LRRTM4: variants seen among roughly 807,000 people sequenced by gnomAD.
The protein encoded by LRRTM4 is leucine-rich repeat transmembrane neuronal protein 4.
A neutral mutation model predicts 47.6 loss-of-function variants in LRRTM4; 25 were observed. The ratio of observed to expected loss-of-function variants is 0.53; its 90% CI spans 0.38 to 0.73. LRRTM4 has a LOEUF of 0.73. Among genes scored for constraint, LRRTM4 ranks in the 30% least tolerant of loss-of-function variants. The pLI, the probability that LRRTM4 is intolerant of heterozygous loss-of-function variation, is 0.00. For synonymous variants in LRRTM4, 311 were observed against 269.5 expected (o/e 1.15, Z -1.51); for missense variants, 638 against 713.4 (o/e 0.89, Z 1.20).
intron 3 of LRRTM4, chr2:77,517,721 A>T: frequency 1.0e-6 from 1 of 982,822 alleles, no homozygotes; most frequent in Non-Finnish European, 1.2e-6. Flanking sequence ...AAGAAGCCTT[A>T]GGAGCCTGAT....
intron 3 of LRRTM4, among the ~76,000 whole-genome samples, chr2:76,974,572 G>A (rs1676354263): frequency 6.6e-6 from 1 of 150,974 alleles, no homozygotes; most frequent in Admixed American, 6.6e-5. Flanking sequence ...TGGAAATCAA[G>A]CAAAAGCCAA....
In LRRTM4 at chr2:76,942,677, T is replaced by A. The variant is rs75413294; in HGVS notation, c.1552-193761A>T. ...GTCAAGTAACCAACCTCTAGGAATC[T>A]GTGTGTGTGTGTGTGTGTGTGTGTG... On this transcript the variant is annotated intron_variant, in intron 3 of 3. Coordinates refer to ENST00000409884, the MANE Select transcript of LRRTM4 (RefSeq NM_001134745.3). 7.7e-3 allele frequency among the ~76,000 whole-genome samples: 484 copies of A among 62,586 alleles called. 4 individuals are homozygous for A. Among genetic ancestry groups the A allele is most frequent in the East Asian group, 0.017 (8 of 466 alleles). The allele number at this position is 62,586 out of a possible 152,430, so 41.1% of individuals were successfully genotyped here.
intron 3 of LRRTM4, among the ~76,000 whole-genome samples, chr2:77,433,197 C>T (rs1316653919): frequency 6.6e-6 from 1 of 152,100 alleles, no homozygotes; most frequent in Non-Finnish European, 1.5e-5. Context: ...TCGTACTGTA[C>T]CAACAGATAA....
In LRRTM4 at chr2:77,240,473, T is replaced by C. The variant is rs549889077; in HGVS notation, c.1551+277845A>G. On this transcript the variant is annotated intron_variant, in intron 3 of 3. Coordinates refer to ENST00000409884, the MANE Select transcript of LRRTM4 (RefSeq NM_001134745.3). ...AAAATTGTTTCTTGCCATAGAGCTATACTAACATACCTAAGAGTGAAAGGC... is the reference window on the plus strand; with the variant it reads ...AAAATTGTTTCTTGCCATAGAGCTACACTAACATACCTAAGAGTGAAAGGC... Among the ~76,000 whole-genome samples, 5 of 152,130 alleles carry C rather than the reference T, an allele frequency of 3.3e-5. No homozygotes were observed. The South Asian group carries it at 8.3e-4, about 25-fold the overall frequency.
At chr2:77,105,412 A>G (rs556727385) in intron 3 of LRRTM4, among the ~76,000 whole-genome samples, 4 of 150,570 alleles carry the variant, frequency 2.7e-5, no homozygotes, top group African/African-American at 9.7e-5. Flanking sequence ...AGGACAAAAA[A>G]CCAAACACCG....
At chr2:77,063,037 C>A (rs1446699881) in intron 3 of LRRTM4, among the ~76,000 whole-genome samples, 1 of 150,788 alleles carries the variant, frequency 6.6e-6, no homozygotes, top group Non-Finnish European at 1.5e-5. Context: ...TCACTGCAAC[C>A]TCCACCTCCA....
intron 3 of LRRTM4, among the ~76,000 whole-genome samples, chr2:76,870,826 T>C (rs936513315): frequency 1.3e-5 from 2 of 152,196 alleles, no homozygotes; most frequent in African/African-American, 4.8e-5. Flanking sequence ...GCAATCACTG[T>C]ACACAAGGCT....
chr2:76,854,130 A>T (rs1473664162), intron 3 of LRRTM4, among the ~76,000 whole-genome samples: 2 of 152,136 alleles, frequency 1.3e-5, no homozygotes. Context: ...TCAGAAATGC[A>T]ATTACATTAC....
intron 3 of LRRTM4, among the ~76,000 whole-genome samples, chr2:77,231,454 C>T (rs973106658): frequency 6.6e-6 from 1 of 152,226 alleles, no homozygotes; most frequent in African/African-American, 2.4e-5. Flanking sequence ...CCTGTTTTTA[C>T]AGATCTTGGG....
intron 3 of LRRTM4, among the ~76,000 whole-genome samples, chr2:76,952,854 T>C (rs1474194167): frequency 2.0e-5 from 3 of 151,830 alleles, no homozygotes; most frequent in South Asian, 4.1e-4. Flanking sequence ...TACACAGTCA[T>C]AAAAAGAATG....
At chr2:76,854,752 G>T (rs1672098216) in intron 3 of LRRTM4, among the ~76,000 whole-genome samples, 1 of 151,544 alleles carries the variant, frequency 6.6e-6, no homozygotes, top group African/African-American at 2.4e-5. Context: ...TCTACTATAT[G>T]TCAGGAGCTC....
intron 3 of LRRTM4, among the ~76,000 whole-genome samples, chr2:77,115,112 T>A (rs1671352288): frequency 1.3e-5 from 2 of 152,170 alleles, no homozygotes; most frequent in African/African-American, 2.4e-5. Flanking sequence ...ACCCCAGGAA[T>A]GCATTCCTTC....
At position 77,365,471 on chromosome 2, in the gene LRRTM4, T is replaced by A. The variant is rs944064378; in HGVS notation, c.1551+152847A>T. On this transcript the variant is annotated intron_variant, in intron 3 of 3. Coordinates refer to ENST00000409884, the MANE Select transcript of LRRTM4 (RefSeq NM_001134745.3). ...GGTTTTCTTTTGGCATAGATTTTTT[T>A]AATAAAGGTAAATAATCTAAGTTTG... Among the ~76,000 whole-genome samples, 16 of 152,092 alleles carry A rather than the reference T, an allele frequency of 1.1e-4. No homozygotes were observed. The East Asian group carries it at 2.5e-3, about 24-fold the overall frequency.
chr2:77,124,734 G>A (rs146680602), intron 3 of LRRTM4, among the ~76,000 whole-genome samples: 78 of 152,224 alleles, frequency 5.1e-4, no homozygotes, highest in African/African-American at 1.8e-3. Flanking sequence ...CATGATGTGC[G>A]TCGCGTGTTT....
chr2:76,812,924 G>T (rs571698196), intron 3 of LRRTM4, among the ~76,000 whole-genome samples: 10 of 151,702 alleles, frequency 6.6e-5, no homozygotes, highest in African/African-American at 1.9e-4. Context: ...ATTTTTCCAA[G>T]TCAGATTGTG....
intron 3 of LRRTM4, among the ~76,000 whole-genome samples, chr2:77,287,361 T>A (rs190298919): frequency 1.3e-5 from 2 of 152,080 alleles, no homozygotes; most frequent in Admixed American, 6.6e-5. Context: ...GGAGAGCTCC[T>A]CTTATCTACT....
intron 3 of LRRTM4, among the ~76,000 whole-genome samples, chr2:77,179,177 G>A (rs541497532): frequency 6.6e-6 from 1 of 152,156 alleles, no homozygotes; most frequent in Non-Finnish European, 1.5e-5. Context: ...CAGTCAATAA[G>A]TGGTAAAGAA....
At chr2:77,093,955 T>G (rs1670732607) in intron 3 of LRRTM4, among the ~76,000 whole-genome samples, 1 of 150,396 alleles carries the variant, frequency 6.6e-6, no homozygotes, top group African/African-American at 2.5e-5. Flanking sequence ...CCGCTTTGAC[T>G]GCAATTTTCC....
At chr2:76,934,090 G>A (rs1198792290) in intron 3 of LRRTM4, among the ~76,000 whole-genome samples, 1 of 152,088 alleles carries the variant, frequency 6.6e-6, no homozygotes, top group Non-Finnish European at 1.5e-5. Context: ...GCAGGACTCT[G>A]TATTAAATGG....
Sources: allele counts gnomAD v4.1 joint callset (sites outside exome capture counted in the v4.1 genomes callset), GRCh38; gene constraint gnomAD v4.1.1; transcripts MANE v1.5; gene names NCBI Gene and HGNC (gene_info 2026-07-23, HGNC 2026-07-21).